Variants in EXOC6B observed in about 807,000 individuals in gnomAD.
EXOC6B encodes the protein SEC15 homolog B.
A neutral mutation model predicts 113.5 loss-of-function variants in EXOC6B; 54 were observed. The observed-to-expected ratio is 0.48, with a 90% CI of 0.38 to 0.60. EXOC6B has a LOEUF of 0.60. EXOC6B is among the 20% of genes least tolerant of loss of function. EXOC6B has a pLI of 0.00. For missense variants in EXOC6B, 797 were observed against 977.5 expected, an observed-to-expected ratio of 0.82 and a Z score of 2.46; for synonymous variants, 357 against 339.0, an observed-to-expected ratio of 1.05 and a Z score of -0.58.
chr2:72,298,178 T>C (rs1686265002), intron 20 of EXOC6B, among the ~76,000 whole-genome samples: 1 of 152,228 alleles, frequency 6.6e-6, no homozygotes, highest in South Asian at 2.1e-4. Context: ...GCTCCTATAA[T>C]GGGTGCATAT....
At chr2:72,723,262 C>T (rs1219035077) in intron 5 of EXOC6B, among the ~76,000 whole-genome samples, 3 of 152,174 alleles carry the variant, frequency 2.0e-5, no homozygotes, top group African/African-American at 7.2e-5. Flanking sequence ...CCCCTCTTCT[C>T]ATGCAGGCTC....
At chr2:72,567,980 G>A (rs889418398) in intron 7 of EXOC6B, among the ~76,000 whole-genome samples, 2 of 152,014 alleles carry the variant, frequency 1.3e-5, no homozygotes, top group African/African-American at 2.4e-5. Flanking sequence ...AAACCAGTGG[G>A]TAACAAGCTG....
chr2:72,478,630 G>C (rs1698891987), intron 17 of EXOC6B, among the ~76,000 whole-genome samples: 2 of 152,144 alleles, frequency 1.3e-5, no homozygotes, highest in African/African-American at 4.8e-5. Context: ...AGCCCCTATG[G>C]CTTCCTGTCT....
Position 72,459,574 on chromosome 2 carries a change from G to A in EXOC6B, c.1980+5586C>T, listed in dbSNP as rs1697489349. Among the ~76,000 whole-genome samples the A allele has an allele frequency of 2.0e-5, 3 of 152,062 alleles. No individual in the cohort carries two copies. The South Asian group carries it at 6.2e-4, about 32-fold the overall frequency. ...TATACACCAATAACAGACAAACAGAGAGCCAAATCATGAGTGAACTCTCAT... is the reference window on the plus strand; with the variant it reads ...TATACACCAATAACAGACAAACAGAAAGCCAAATCATGAGTGAACTCTCAT... On this transcript the variant is annotated intron_variant, in intron 18 of 21. Coordinates refer to ENST00000272427, the MANE Select transcript of EXOC6B (RefSeq NM_015189.3).
At chr2:72,454,828 C>T (rs1196666336) in intron 18 of EXOC6B, among the ~76,000 whole-genome samples, 1 of 152,122 alleles carries the variant, frequency 6.6e-6, no homozygotes, top group Admixed American at 6.6e-5. Flanking sequence ...AATAGCTCAA[C>T]ACACAAAGAT....
chr2:72,186,832 G>T (rs552200877), intron 20 of EXOC6B, among the ~76,000 whole-genome samples: 5 of 152,320 alleles, frequency 3.3e-5, no homozygotes, highest in Admixed American at 3.3e-4. Context: ...GTGGAGAGAA[G>T]TTCATGGCTT....
chr2:72,755,200 C>T (rs1315579404), intron 1 of EXOC6B, among the ~76,000 whole-genome samples: 1 of 152,036 alleles, frequency 6.6e-6, no homozygotes, highest in African/African-American at 2.4e-5. Flanking sequence ...TGAACAAATG[C>T]CTAGTATTAT....
chr2:72,575,473 A>C lies in EXOC6B; in HGVS notation c.846+19T>G, dbSNP rs2103822937. On this transcript the variant is annotated intron_variant, in intron 7 of 21. Coordinates refer to ENST00000272427, the MANE Select transcript of EXOC6B (RefSeq NM_015189.3). ...AAGCTTAAAAATAGTCTCACTTCCC[A>C]ACATCAAATGTTACTTACCTCTTCA... 1 of 1,593,444 alleles carries C rather than the reference A, an allele frequency of 6.3e-7. No individual in the cohort carries two copies. Among genetic ancestry groups the C allele is most frequent in the Non-Finnish European group, 8.5e-7 (1 of 1,172,844 alleles).
intron 8 of EXOC6B, among the ~76,000 whole-genome samples, chr2:72,522,602 A>G (rs532901207): frequency 6.4e-4 from 98 of 152,240 alleles, no homozygotes; most frequent in African/African-American, 2.2e-3. Flanking sequence ...TCCCTATTCG[A>G]TATATTTTCT....
chr2:72,605,524 T>C (rs1334665569), intron 6 of EXOC6B, among the ~76,000 whole-genome samples: 1 of 152,184 alleles, frequency 6.6e-6, no homozygotes. Context: ...TATTAACTTG[T>C]CTCAAACATA....
intron 20 of EXOC6B, among the ~76,000 whole-genome samples, chr2:72,273,205 T>C (rs1425470476): frequency 6.6e-6 from 1 of 152,186 alleles, no homozygotes; most frequent in East Asian, 1.9e-4. Flanking sequence ...AAGCAGGACA[T>C]ATATCAATGT....
At chr2:72,210,130 A>T (rs1318401915) in intron 20 of EXOC6B, among the ~76,000 whole-genome samples, 1 of 152,030 alleles carries the variant, frequency 6.6e-6, no homozygotes, top group Non-Finnish European at 1.5e-5. Context: ...CCTCCTCCCT[A>T]GTCTCCCCTG....
At chr2:72,535,997 G>C (rs1702268687) in intron 8 of EXOC6B, among the ~76,000 whole-genome samples, 1 of 152,058 alleles carries the variant, frequency 6.6e-6, no homozygotes, top group Non-Finnish European at 1.5e-5. Flanking sequence ...AAATACTAAT[G>C]GGATATCTCT....
intron 20 of EXOC6B, among the ~76,000 whole-genome samples, chr2:72,312,994 A>G (rs6546760): frequency 0.34 from 51,149 of 151,994 alleles, 14,250 homozygotes; most frequent in African/African-American, 0.77. Flanking sequence ...TGGCTCCATT[A>G]TTGCTAAATT....
At chr2:72,666,311 C>T (rs1573584502) in intron 6 of EXOC6B, among the ~76,000 whole-genome samples, 1 of 152,184 alleles carries the variant, frequency 6.6e-6, no homozygotes, top group African/African-American at 2.4e-5. Flanking sequence ...TAACAAACAT[C>T]TACAGAACAC....
intron 18 of EXOC6B, among the ~76,000 whole-genome samples, chr2:72,393,651 T>G (rs916714202): frequency 1.3e-5 from 2 of 152,218 alleles, no homozygotes; most frequent in Admixed American, 6.5e-5. Flanking sequence ...AAAACTATAA[T>G]AGATATTTAA....
At chr2:72,425,895 C>T (rs1033244006) in intron 18 of EXOC6B, among the ~76,000 whole-genome samples, 11 of 152,100 alleles carry the variant, frequency 7.2e-5, no homozygotes, top group African/African-American at 2.7e-4. Context: ...GAAAAAAATA[C>T]TTGATTTTTA....
chr2:72,413,688 G>GAAAA (rs779663149), intron 18 of EXOC6B, among the ~76,000 whole-genome samples: 1 of 108,274 alleles, frequency 9.2e-6, no homozygotes, highest in African/African-American at 3.2e-5. Flanking sequence ...CCTCAAAAAA[G>GAAAA]AAAAAAAAAA....
chr2:72,186,508 C>A (rs984558546), intron 20 of EXOC6B, among the ~76,000 whole-genome samples: 8 of 149,598 alleles, frequency 5.3e-5, no homozygotes, highest in East Asian at 3.9e-4. Flanking sequence ...AAAAGGATAG[C>A]GTTTTTTCAA....
Sources: allele counts gnomAD v4.1 joint callset (sites outside exome capture counted in the v4.1 genomes callset), GRCh38; gene constraint gnomAD v4.1.1; transcripts MANE v1.5; gene names NCBI Gene and HGNC (gene_info 2026-07-23, HGNC 2026-07-21).